Variants in ABCC4 observed in about 807,000 individuals in gnomAD.
The protein encoded by ABCC4 is ATP binding cassette subfamily C member 4 (PEL blood group), also known as ATP-binding cassette sub-family C member 4.
ABCC4 carries 102 observed loss-of-function variants against 168.5 expected under a neutral mutation model. That is an observed-to-expected ratio of 0.61 (90% CI 0.52 to 0.71). The LOEUF (loss-of-function observed/expected upper bound fraction) is 0.71. Ranked by LOEUF, ABCC4 falls within the 30% of genes least tolerant of loss-of-function variation. The probability of loss-of-function intolerance (pLI) is 0.00; values close to 1 mark genes in which losing one functional copy is unlikely to be tolerated. For synonymous variants in ABCC4, 617 were observed against 590.7 expected (o/e 1.04, Z -0.65); for missense variants, 1,402 against 1,605.8 (o/e 0.87, Z 2.17).
chr13:95,265,285 T>A (rs1170118005), intron 1 of ABCC4, among the ~76,000 whole-genome samples: 1 of 151,520 alleles, frequency 6.6e-6, no homozygotes, highest in Non-Finnish European at 1.5e-5. Flanking sequence ...TATACAGGAG[T>A]GGTATGTATG....
chr13:95,069,390 T>C (rs1036857825), intron 25 of ABCC4, among the ~76,000 whole-genome samples: 2 of 152,158 alleles, frequency 1.3e-5, no homozygotes, highest in South Asian at 2.1e-4. Flanking sequence ...GCCATCGTGC[T>C]ATCTTCTTTA....
At chr13:95,186,640 T>G in intron 11 of ABCC4, 61 bp downstream of exon 11, 1 of 1,473,542 alleles carries the variant, frequency 6.8e-7, no homozygotes, top group South Asian at 1.3e-5. Context: ...ACCTTGTTGT[T>G]CAAGTGAACA....
intron 19 of ABCC4, among the ~76,000 whole-genome samples, chr13:95,130,618 A>G (rs2139449788): frequency 6.6e-6 from 1 of 152,368 alleles, no homozygotes; most frequent in East Asian, 1.9e-4. Flanking sequence ...TTAAGTGCTG[A>G]CAGGAACGAA....
At chr13:95,038,006 C>T (rs138010453) in intron 29 of ABCC4, among the ~76,000 whole-genome samples, 9 of 152,168 alleles carry the variant, frequency 5.9e-5, no homozygotes, top group African/African-American at 1.9e-4. Context: ...AGGTGCACGC[C>T]GCCAAAGCCT....
At chr13:95,080,895 C>A (rs572188147) in intron 21 of ABCC4, among the ~76,000 whole-genome samples, 1 of 152,104 alleles carries the variant, frequency 6.6e-6, no homozygotes, top group African/African-American at 2.4e-5. Flanking sequence ...CTCCCTGCCA[C>A]GGCAGTCAGG....
intron 20 of ABCC4, among the ~76,000 whole-genome samples, chr13:95,090,310 A>C (rs2034389976): frequency 6.6e-6 from 1 of 152,214 alleles, no homozygotes. Flanking sequence ...CAGGAGGCCA[A>C]CCAGTACAAA....
At position 95,250,025 on chromosome 13, in the gene ABCC4, A is replaced by G. The variant is rs979418243; in HGVS notation, c.75-2272T>C. On this transcript the variant is annotated intron_variant, in intron 1 of 30. Coordinates refer to ENST00000645237, the MANE Select transcript of ABCC4 (RefSeq NM_005845.5). The stretch of plus-strand genomic sequence containing the variant: ...CCTCCTACTCTCTCTCATTGCCCAG[A>G]TCTCAAAAAGCTGGGCTGAAAAGAT... Among the ~76,000 whole-genome samples the G allele has an allele frequency of 2.0e-5, 3 of 152,210 alleles. No homozygotes were observed. In the East Asian group the frequency reaches 5.8e-4, roughly 29 times the overall value.
At chr13:95,144,056 C>T (rs1429684983) in intron 19 of ABCC4, among the ~76,000 whole-genome samples, 2 of 152,160 alleles carry the variant, frequency 1.3e-5, no homozygotes, top group African/African-American at 4.8e-5. Flanking sequence ...ATTACACACA[C>T]ACATACACAT....
In ABCC4 at chr13:95,301,421, C is replaced by G; in HGVS notation, c.-107G>C. ...AGGGATGCTGGGGCTCCGGCCGCCA[C>G]GCCTGTCCGCTCGGCTGGAGCCTGT... On this transcript the variant is annotated 5_prime_UTR_variant, in exon 1 of 31. Transcript: ENST00000645237. 1.0e-6 allele frequency: 1 copy of G among 966,950 alleles called. No individual in the cohort carries two copies. Among genetic ancestry groups the G allele is most frequent in the Non-Finnish European group, 1.5e-6 (1 of 689,576 alleles). The allele number at this position is 966,950 out of a possible 1,614,324, so 59.9% of individuals were successfully genotyped here.
chr13:95,108,078 T>C (rs960851421), intron 20 of ABCC4, among the ~76,000 whole-genome samples: 3 of 152,206 alleles, frequency 2.0e-5, no homozygotes, highest in Admixed American at 2.0e-4. Context: ...AATAAAGTTA[T>C]TTAAATGAGT....
Position 95,246,955 on chromosome 13 carries a change from T to C in ABCC4, c.306+20A>G, listed in dbSNP as rs1398027766. The C allele has an allele frequency of 1.9e-6, 3 of 1,608,366 alleles. No individual in the cohort carries two copies. The East Asian group carries it at 6.7e-5, about 36-fold the overall frequency. ...TCTATGTGTCCTGAAAAACAATTCA[T>C]GGTATGTAAAAGCTTTTACCTCAAT... On this transcript the variant is annotated intron_variant, in intron 3 of 30. Coordinates refer to ENST00000645237, the MANE Select transcript of ABCC4 (RefSeq NM_005845.5).
chr13:95,198,354 A>G (rs1030580769), intron 8 of ABCC4, among the ~76,000 whole-genome samples: 7 of 152,232 alleles, frequency 4.6e-5, no homozygotes, highest in African/African-American at 1.7e-4. Context: ...AACATATGAA[A>G]AAAAGCTCAT....
intron 12 of ABCC4, 78 bp downstream of exon 12, chr13:95,177,919 T>C: frequency 6.6e-7 from 1 of 1,512,084 alleles, no homozygotes; most frequent in Non-Finnish European, 9.2e-7. Context: ...CAATACACAG[T>C]AAGCAGGTCC....
At chr13:95,298,303 A>T (rs1467966180) in intron 1 of ABCC4, among the ~76,000 whole-genome samples, 1 of 152,164 alleles carries the variant, frequency 6.6e-6, no homozygotes, top group African/African-American at 2.4e-5. Context: ...CTCCGTCTCA[A>T]AAAAAAGAAA....
intron 25 of ABCC4, among the ~76,000 whole-genome samples, chr13:95,063,301 C>A (rs1191292198): frequency 6.6e-6 from 1 of 152,166 alleles, no homozygotes; most frequent in Non-Finnish European, 1.5e-5. Flanking sequence ...CTTGCAGGAT[C>A]TGAGTAATCT....
At chr13:95,113,585 A>AAAAT (rs2035276524) in intron 20 of ABCC4, among the ~76,000 whole-genome samples, 2 of 151,244 alleles carry the variant, frequency 1.3e-5, no homozygotes, top group East Asian at 1.9e-4. Flanking sequence ...AAAAAAAAAA[A>AAAAT]TTACATTTAG....
chr13:95,158,788 G>T (rs531697435), intron 19 of ABCC4, among the ~76,000 whole-genome samples: 16 of 152,038 alleles, frequency 1.1e-4, no homozygotes, highest in Admixed American at 2.6e-4. Context: ...TTATAAAGCC[G>T]GCTGGGTCCA....
chr13:95,288,343 T>A lies in ABCC4; in HGVS notation c.74+12898A>T, dbSNP rs560989797. Among the ~76,000 whole-genome samples the A allele has an allele frequency of 3.3e-5, 5 of 152,288 alleles. No individual in the cohort carries two copies. The East Asian group carries it at 9.6e-4, about 29-fold the overall frequency. On this transcript the variant is annotated intron_variant, in intron 1 of 30. Transcript: ENST00000645237. ...AGACTAAAGTAATAGCTTATAAACA[T>A]TAATTAAGCATATTAATTGCAAGAT...
At chr13:95,137,757 G>T (rs924780129) in intron 19 of ABCC4, among the ~76,000 whole-genome samples, 2 of 152,110 alleles carry the variant, frequency 1.3e-5, no homozygotes, top group African/African-American at 2.4e-5. Flanking sequence ...TTATTTGGTT[G>T]TTTTAATATA....
Sources: allele counts gnomAD v4.1 joint callset (sites outside exome capture counted in the v4.1 genomes callset), GRCh38; gene constraint gnomAD v4.1.1; transcripts MANE v1.5; gene names NCBI Gene and HGNC (gene_info 2026-07-23, HGNC 2026-07-21).